The following OVCH1 variants were observed in gnomAD, a reference collection of about 807,000 sequenced individuals.
OVCH1 encodes ovochymase 1, also known as ovochymase-1.
In OVCH1, 139 loss-of-function variants were observed where a neutral mutation model predicts 138.4. The ratio of observed to expected loss-of-function variants is 1.00; its 90% CI spans 0.87 to 1.16. The LOEUF (loss-of-function observed/expected upper bound fraction) is 1.16, where lower values mean the gene tolerates loss of function less well. Among genes scored for constraint, OVCH1 ranks in the 50% most tolerant of loss-of-function variants. OVCH1 has a pLI of 0.00. For synonymous variants in OVCH1, 453 were observed against 467.8 expected (o/e 0.97, Z 0.41); for missense variants, 1,367 against 1,357.9 (o/e 1.01, Z -0.11).
exon 8 of OVCH1, chr12:29,486,316 C>T (rs755429258): frequency 6.2e-7 from 1 of 1,613,738 alleles, no homozygotes; most frequent in Non-Finnish European, 8.5e-7. Flanking sequence ...TACCTTGAGC[C>T]CACTTTTGAG....
chr12:29,496,623 A>T, exon 2 of OVCH1: 1 of 1,613,936 alleles, frequency 6.2e-7, no homozygotes, highest in Non-Finnish European at 8.5e-7. Context: ...TCTAGATCCC[A>T]CGGCAGGTTC....
intron 22 of OVCH1, among the ~76,000 whole-genome samples, chr12:29,449,555 T>A (rs1320114351): frequency 6.6e-6 from 1 of 152,180 alleles, no homozygotes. Flanking sequence ...TGGTTTGTAG[T>A]TCTCCTTGAA....
downstream of OVCH1, among the ~76,000 whole-genome samples, chr12:29,408,560 G>C (rs533304282): frequency 1.6e-5 from 2 of 125,770 alleles, no homozygotes; most frequent in African/African-American, 5.2e-5. Context: ...CATCTATTGA[G>C]ATAATCATGT....
At chr12:29,421,657 A>G (rs2135886465) in intron 3 of OVCH1, among the ~76,000 whole-genome samples, 1 of 152,260 alleles carries the variant, frequency 6.6e-6, no homozygotes, top group African/African-American at 2.4e-5. Flanking sequence ...AAAATACAAC[A>G]TATATATAAA....
chr12:29,423,946 A>G (rs780210018), downstream of OVCH1, among the ~76,000 whole-genome samples: 66 of 152,282 alleles, frequency 4.3e-4, no homozygotes, highest in Non-Finnish European at 7.1e-4. Flanking sequence ...AAGTTTTAAA[A>G]TAATGGAAAT....
intron 4 of OVCH1, chr12:29,412,619 C>T (rs1940975182): frequency 6.6e-6 from 1 of 152,192 alleles, no homozygotes; most frequent in Non-Finnish European, 1.5e-5. Flanking sequence ...GGAGGTGGTA[C>T]ATATACTCAC....
downstream of OVCH1, among the ~76,000 whole-genome samples, chr12:29,425,652 A>G (rs1312264753): frequency 6.6e-6 from 1 of 152,184 alleles, no homozygotes; most frequent in Non-Finnish European, 1.5e-5. Flanking sequence ...CTTGTCTCAT[A>G]TTTAAAATGA....
chr12:29,410,205 C>G (rs1004261226), downstream of OVCH1, among the ~76,000 whole-genome samples: 1 of 141,426 alleles, frequency 7.1e-6, no homozygotes, highest in African/African-American at 2.5e-5. Context: ...ATGTGTGTCT[C>G]TGCGTGTGAG....
At chr12:29,427,522 GT>G (rs754206582), downstream of OVCH1, 23 of 1,548,136 alleles carry the variant, frequency 1.5e-5, no homozygotes, top group Non-Finnish European at 1.9e-5. Context: ...AATGTGCTTG[GT>G]TAGAGGCCTC....
chr12:29,406,060 A>G, the OVCH1 span, among the ~76,000 whole-genome samples: 2 of 152,298 alleles, frequency 1.3e-5, no homozygotes, highest in South Asian at 2.1e-4. Context: ...AATGCCTCAC[A>G]TCATTAGAAA....
intron 3 of OVCH1, among the ~76,000 whole-genome samples, chr12:29,417,290 C>A (rs1941042226): frequency 6.6e-6 from 1 of 151,548 alleles, no homozygotes; most frequent in African/African-American, 2.4e-5. Context: ...GGTGAAACCC[C>A]ATCTCTACTA....
chr12:29,422,697 TAA>T (rs1294495450), downstream of OVCH1, among the ~76,000 whole-genome samples: 2 of 152,300 alleles, frequency 1.3e-5, no homozygotes, highest in South Asian at 2.1e-4. Flanking sequence ...AGAAAATCAT[TAA>T]GTTTGTTTCT....
intron 21 of OVCH1, among the ~76,000 whole-genome samples, chr12:29,452,688 A>G (rs1031548708): frequency 1.3e-5 from 2 of 152,192 alleles, no homozygotes; most frequent in Non-Finnish European, 2.9e-5. Flanking sequence ...ATCCTCTGTG[A>G]AAAATCTGAC....
intron 19 of OVCH1, among the ~76,000 whole-genome samples, 164 bp from the exon 20 acceptor site, chr12:29,455,569 G>C: frequency 6.6e-6 from 1 of 152,084 alleles, no homozygotes; most frequent in East Asian, 1.9e-4. Flanking sequence ...TCACTGTTTT[G>C]CAAAAGGAAA....
At chr12:29,435,826 A>G (rs1490079791) in intron 26 of OVCH1, among the ~76,000 whole-genome samples, 1 of 152,172 alleles carries the variant, frequency 6.6e-6, no homozygotes, top group Non-Finnish European at 1.5e-5. Context: ...TAACTGCTCC[A>G]CTATGAATCC....
At chr12:29,441,710 G>T (rs1177200659) in intron 25 of OVCH1, among the ~76,000 whole-genome samples, 1 of 151,956 alleles carries the variant, frequency 6.6e-6, no homozygotes, top group Admixed American at 6.6e-5. Flanking sequence ...GAAAATTTTC[G>T]CAACCTACTC....
intron 18 of OVCH1, among the ~76,000 whole-genome samples, chr12:29,463,037 G>GT (rs1035862200): frequency 9.2e-5 from 14 of 152,270 alleles, no homozygotes; most frequent in South Asian, 2.1e-4. Context: ...AAAGTCAAAG[G>GT]TATTAGAGAG....
Position 29,427,649 on chromosome 12 carries a change from G to C in OVCH1, c.3328-1C>G. On this transcript the variant is annotated splice_acceptor_variant, in intron 27 of 27. Coordinates refer to ENST00000318184, the Ensembl canonical transcript of OVCH1. LOFTEE classifies it high-confidence loss of function. The stretch of plus-strand genomic sequence containing the variant: ...TCCTGGACTTCTCAGCCTCCATACT[G>C]TGAGAAATAAATATTTGTTGTTTGG... The C allele has an allele frequency of 6.4e-7, 1 of 1,550,480 alleles. No individual in the cohort carries two copies. Among genetic ancestry groups the C allele is most frequent in the Non-Finnish European group, 8.7e-7 (1 of 1,146,746 alleles).
intron 24 of OVCH1, 56 bp from the exon 25 acceptor site, chr12:29,443,556 G>C (rs74911812): frequency 0.023 from 33,934 of 1,450,350 alleles, 528 homozygotes; most frequent in Non-Finnish European, 0.028. Flanking sequence ...TATATTGTTA[G>C]TTATTTTGCT....
Sources: allele counts gnomAD v4.1 joint callset (sites outside exome capture counted in the v4.1 genomes callset), GRCh38; gene constraint gnomAD v4.1.1; transcripts MANE v1.5; gene names NCBI Gene and HGNC (gene_info 2026-07-23, HGNC 2026-07-21).